PNPLA7: variants seen among roughly 807,000 people sequenced by gnomAD.
The protein encoded by PNPLA7 is patatin-like phospholipase domain-containing protein 7.
Under a neutral mutation model 161.7 loss-of-function variants are expected in PNPLA7, and 153 were observed. The ratio of observed to expected loss-of-function variants is 0.95; its 90% confidence interval spans 0.83 to 1.08. PNPLA7 has a LOEUF of 1.08. Among genes scored for constraint, PNPLA7 ranks in the 50% least tolerant of loss-of-function variants. PNPLA7 has a pLI of 0.00. For missense variants in PNPLA7, 1,739 were observed against 1,856.6 expected, an observed-to-expected ratio of 0.94 and a Z score of 1.16; for synonymous variants, 809 against 782.1, an observed-to-expected ratio of 1.03 and a Z score of -0.57.
chr9:137,535,520 C>T (rs1419719633), intron 8 of PNPLA7, among the ~76,000 whole-genome samples: 1 of 151,984 alleles, frequency 6.6e-6, no homozygotes, highest in African/African-American at 2.4e-5. Context: ...TTTGGGAGGC[C>T]GAGGCAGGCG....
At chr9:137,481,767 C>G (rs1018985621) in intron 21 of PNPLA7, among the ~76,000 whole-genome samples, 2 of 152,188 alleles carry the variant, frequency 1.3e-5, no homozygotes, top group Admixed American at 1.3e-4. Flanking sequence ...GAAACTCCAT[C>G]TCTACTAAAA....
intron 21 of PNPLA7, among the ~76,000 whole-genome samples, chr9:137,483,459 A>C (rs1832322972): frequency 6.6e-6 from 1 of 151,990 alleles, no homozygotes; most frequent in Non-Finnish European, 1.5e-5. Context: ...AGTAACTTTC[A>C]TTTATTTATT....
chr9:137,550,365 AG>A lies in PNPLA7; in HGVS notation c.-169del. On this transcript the variant is annotated 5_prime_UTR_variant, in exon 1 of 35. It removes the in-frame stop codon of an upstream open reading frame in the 5' UTR. Transcript: ENST00000406427. ...ATCCTGCTGAAAAAGTCTGTTCTCCAGGAAGAAAAGCTGTCTTTTGAGAAGT... is the reference window on the plus strand; with the variant it reads ...ATCCTGCTGAAAAAGTCTGTTCTCCAGAAGAAAAGCTGTCTTTTGAGAAGT... The A allele has an allele frequency of 1.3e-6, 1 of 742,406 alleles. No individual in the cohort carries two copies. Among genetic ancestry groups the A allele is most frequent in the Non-Finnish European group, 2.3e-6 (1 of 432,994 alleles). The allele number at this position is 742,406 out of a possible 1,614,324, so 46.0% of individuals were successfully genotyped here.
intron 12 of PNPLA7, among the ~76,000 whole-genome samples, chr9:137,506,405 C>T (rs1218215383): frequency 6.6e-6 from 1 of 152,240 alleles, no homozygotes; most frequent in Non-Finnish European, 1.5e-5. Context: ...TTCCTCAAAC[C>T]TTGCCATGCG....
chr9:137,460,543 C>G, intron 34 of PNPLA7, 67 bp from the exon 35 acceptor site: 1 of 1,600,336 alleles, frequency 6.2e-7, no homozygotes, highest in South Asian at 1.1e-5. Flanking sequence ...GCTGGTAACC[C>G]GGTGGGACCA....
At chr9:137,514,661 T>A (rs368631658) in intron 12 of PNPLA7, among the ~76,000 whole-genome samples, 1 of 97,384 alleles carries the variant, frequency 1.0e-5, no homozygotes. Flanking sequence ...TTGAGGTGCC[T>A]GGGCCCTGTG....
intron 26 of PNPLA7, 175 bp from the exon 27 acceptor site, chr9:137,464,631 G>A (rs1831382133): frequency 1.6e-6 from 1 of 629,504 alleles, no homozygotes. Flanking sequence ...GTGAGCAGAG[G>A]CTGGTGGTCG....
At chr9:137,511,226 C>T (rs1054417946) in intron 12 of PNPLA7, among the ~76,000 whole-genome samples, 3 of 151,356 alleles carry the variant, frequency 2.0e-5, no homozygotes, top group East Asian at 1.9e-4. Context: ...CTGGCGGTAG[C>T]GCCAGCGCCT....
At chr9:137,518,204 T>C (rs1270694372) in intron 11 of PNPLA7, among the ~76,000 whole-genome samples, 2 of 121,024 alleles carry the variant, frequency 1.7e-5, no homozygotes, top group Non-Finnish European at 3.3e-5. Flanking sequence ...CTCACTCCAC[T>C]CTGCTCACTC....
chr9:137,473,801 C>T (rs1831818384), intron 25 of PNPLA7, among the ~76,000 whole-genome samples: 1 of 152,154 alleles, frequency 6.6e-6, no homozygotes, highest in Admixed American at 6.5e-5. Flanking sequence ...CTGCCATTAC[C>T]AAGGGTCGGT....
At position 137,547,740 on chromosome 9, in the gene PNPLA7, G is replaced by A; in HGVS notation, c.31-81C>T. Reference sequence around the variant, plus strand: ...TGTTCAGAGCAGCAGGAGGAGAGCTGGGAGTTAGGGGAGAAGTCAGCAGCC... The same window carrying A: ...TGTTCAGAGCAGCAGGAGGAGAGCTAGGAGTTAGGGGAGAAGTCAGCAGCC... On this transcript the variant is annotated intron_variant, in intron 1 of 34. Transcript: ENST00000406427. This position sits in a 1 kb window ranked among gnomAD's most constrained non-coding sequence, Gnocchi z 4.6. 1 of 1,294,152 alleles carries A rather than the reference G, an allele frequency of 7.7e-7. No individual in the cohort carries two copies. Among genetic ancestry groups the A allele is most frequent in the Non-Finnish European group, 1.1e-6 (1 of 891,426 alleles). 80.2% of individuals were successfully genotyped at this position (1,294,152 alleles called of 1,614,324 possible). A position where few individuals can be genotyped will look rare whatever the true frequency, so the allele number is the denominator to read the frequency against.
intron 11 of PNPLA7, among the ~76,000 whole-genome samples, chr9:137,516,210 G>A (rs375470563): frequency 6.9e-6 from 1 of 145,466 alleles, no homozygotes; most frequent in South Asian, 2.3e-4. Flanking sequence ...TCCAGGTGGG[G>A]CTGCCAGCCA....
intron 4 of PNPLA7, among the ~76,000 whole-genome samples, chr9:137,546,073 A>T (rs552492658): frequency 1.1e-4 from 16 of 152,240 alleles, no homozygotes; most frequent in Admixed American, 2.0e-4. Context: ...TCACGCTCCT[A>T]GTCCGCCTTC....
chr9:137,502,016 A>G (rs1413498728), intron 14 of PNPLA7, among the ~76,000 whole-genome samples: 1 of 152,260 alleles, frequency 6.6e-6, no homozygotes, highest in Non-Finnish European at 1.5e-5. Context: ...TAAAAGAGAG[A>G]GGATGTCATT....
intron 8 of PNPLA7, among the ~76,000 whole-genome samples, chr9:137,525,408 G>A (rs1408043792): frequency 6.6e-6 from 1 of 152,236 alleles, no homozygotes; most frequent in African/African-American, 2.4e-5. Context: ...ATGCCTGGCT[G>A]CACTGTTATT....
rs756829400 is a variant in PNPLA7 at position 137,462,273 on chromosome 9, A to G, written c.3551T>C (p.Leu1184Pro). 6.2e-7 allele frequency: 1 copy of G among 1,612,004 alleles called. No individual in the cohort carries two copies. The highest frequency in any genetic ancestry group is 8.5e-7 in the Non-Finnish European group (1 of 1,179,354). ...GTAGTCACTGCTCTTCACCACCTCC[A>G]GCTGCCGCACGCAACACACGTAGGC... ...RLAYVCCVRQ[L>P]EVVKSSDYCE... is the part of the protein sequence containing the mutation. Residue 1184 changes from leucine to proline, a missense_variant, in exon 31 of 35, where the codon CTG (leucine) becomes CCG (proline). Coordinates refer to ENST00000406427, the MANE Select transcript of PNPLA7 (RefSeq NM_001098537.3).
At chr9:137,502,520 C>T (rs1306744872) in intron 14 of PNPLA7, among the ~76,000 whole-genome samples, 1 of 146,984 alleles carries the variant, frequency 6.8e-6, no homozygotes, top group Non-Finnish European at 1.5e-5. Context: ...TCTGAGCAGC[C>T]ACATATCCAG....
In PNPLA7 at chr9:137,546,407, GTCTTT is replaced by G. The variant is rs564064386; in HGVS notation, c.273+418_273+422del. Among the ~76,000 whole-genome samples the G allele has an allele frequency of 2.3e-3, 344 of 152,042 alleles. 1 individual carries two copies. Among genetic ancestry groups the G allele is most frequent in the African/African-American group, 8.0e-3 (330 of 41,456 alleles). On this transcript the variant is annotated intron_variant, in intron 4 of 34. Coordinates refer to ENST00000406427, the MANE Select transcript of PNPLA7 (RefSeq NM_001098537.3). ...TGGTAGTGGTCCCCAGGACCCAGCT[GTCTTT>G]TCTTTTATCTTTTTGTCTTGTGTCT...
chr9:137,495,522 C>T (rs1190204188), intron 18 of PNPLA7, among the ~76,000 whole-genome samples: 2 of 152,018 alleles, frequency 1.3e-5, no homozygotes, highest in Non-Finnish European at 2.9e-5. Flanking sequence ...CGGCTCACTG[C>T]AAGCTCCACC....
Sources: allele counts gnomAD v4.1 joint callset (sites outside exome capture counted in the v4.1 genomes callset), GRCh38; gene constraint gnomAD v4.1.1; non-coding constraint Gnocchi (gnomAD v3.1); transcripts MANE v1.5; gene names NCBI Gene and HGNC (gene_info 2026-07-23, HGNC 2026-07-21).